TTN: variants seen among roughly 807,000 people sequenced by gnomAD.
The protein encoded by TTN is titin, also known as connectin.
Under a neutral mutation model 3,223.0 loss-of-function variants are expected in TTN, and 1,525 were observed. That is an observed-to-expected ratio of 0.47 (90% CI 0.45 to 0.49). The LOEUF is 0.49. TTN is among the 20% of genes least tolerant of loss of function. The probability of loss-of-function intolerance (pLI) is 0.00; values close to 1 mark genes in which losing one functional copy is unlikely to be tolerated. For missense variants in TTN, 40,786 were observed against 43,424.0 expected (o/e 0.94, Z 5.40); for synonymous variants, 14,094 against 15,161.0 (o/e 0.93, Z 5.17).
chr2:178,717,882 G>A lies in TTN; in HGVS notation c.25063+61C>T. On this transcript the variant is annotated intron_variant, in intron 86 of 362. Transcript: ENST00000589042. The stretch of plus-strand genomic sequence containing the variant: ...CCACAACATATTTCAATTCATAAAA[G>A]TTTTAACGTTTTTAAGAAAATGAAT... 3.2e-6 allele frequency: 5 copies of A among 1,572,916 alleles called. No homozygotes were observed. In the South Asian group the frequency reaches 6.0e-5, roughly 19 times the overall value.
chr2:178,685,367 T>C (rs1326652836), intron 128 of TTN, 37 bp from the exon 129 acceptor site: 2 of 1,518,388 alleles, frequency 1.3e-6, no homozygotes, highest in Admixed American at 2.1e-5. Flanking sequence ...TAGAAATGTC[T>C]AGATTTCTTT....
intron 336 of TTN, 74 bp from the exon 337 acceptor site, chr2:178,550,347 G>T: frequency 7.9e-7 from 1 of 1,270,524 alleles, no homozygotes; most frequent in Non-Finnish European, 1.1e-6. Context: ...TTTTTCAGTA[G>T]TGCCATATCA....
At chr2:178,665,859 C>T in intron 163 of TTN, 68 bp from the exon 164 acceptor site, 1 of 759,430 alleles carries the variant, frequency 1.3e-6, no homozygotes, top group Non-Finnish European at 1.8e-6. Context: ...ATCTTAACTG[C>T]ACATACAGAA....
chr2:178,694,514 G>T, intron 117 of TTN, 85 bp downstream of exon 117: 1 of 918,592 alleles, frequency 1.1e-6, no homozygotes, highest in Non-Finnish European at 1.6e-6. Context: ...TCAGATTTGT[G>T]AGTTACTTAG....
Position 178,602,403 on chromosome 2 carries a change from T to C in TTN, c.54999A>G (p.Glu18333=). ...GCTCTTTCAGATTAGGCACCACACA[T>C]TCACAGGTAGTTATAAGTTTGTCTG... ...NEPDKLITTC[E]CVVPNLKELR... The change falls in exon 283 of 363, where the codon GAA becomes GAG. Residue 18333 remains glutamate, a synonymous_variant. Transcript: ENST00000589042. The C allele has an allele frequency of 6.2e-7, 1 of 1,612,750 alleles. No homozygotes were observed. Among genetic ancestry groups the C allele is most frequent in the Non-Finnish European group, 8.5e-7 (1 of 1,179,222 alleles).
At chr2:178,646,326 A>C (rs2061996684) in intron 216 of TTN, among the ~76,000 whole-genome samples, 159 bp downstream of exon 216, 1 of 151,436 alleles carries the variant, frequency 6.6e-6, no homozygotes, top group African/African-American at 2.4e-5. Context: ...AAACAGTACA[A>C]GTTACATGGA....
intron 344 of TTN, 75 bp from the exon 345 acceptor site, chr2:178,544,581 A>G: frequency 7.7e-7 from 1 of 1,298,040 alleles, no homozygotes; most frequent in Non-Finnish European, 1.1e-6. Flanking sequence ...TTTGTTTTCA[A>G]GACTCACAAA....
At position 178,566,270 on chromosome 2, in the gene TTN, G is replaced by T. The variant is rs3731746; in HGVS notation, c.79862C>A (p.Thr26621Lys). 3.3e-5 allele frequency: 53 copies of T among 1,613,500 alleles called. No homozygotes were observed. The highest frequency in any genetic ancestry group is 1.0e-4 in the Admixed American group (6 of 59,978). Reference protein sequence around the residue: ...RIHIPFKGRPTPEITWSREEG... With the variant: ...RIHIPFKGRPKPEITWSREEG... ...CTCTCGAGACCAAGTGATCTCAGGCGTTGGACGACCTTTGAATGGAATGTG... is the reference window on the plus strand; with the variant it reads ...CTCTCGAGACCAAGTGATCTCAGGCTTTGGACGACCTTTGAATGGAATGTG... The change falls in exon 326 of 363, where the codon ACG (threonine) becomes AAG (lysine). Residue 26621 changes from threonine (T) to lysine (K), a missense_variant. By Grantham distance (78) the Thr-to-Lys change is moderately conservative. Coordinates refer to ENST00000589042, the MANE Select transcript of TTN (RefSeq NM_001267550.2).
At chr2:178,748,010 T>C (rs527748660) in intron 47 of TTN, 5 of 1,612,922 alleles carry the variant, frequency 3.1e-6, no homozygotes, top group African/African-American at 1.3e-5. Context: ...CCCACCATCC[T>C]GCTTTGGAAA....
intron 156 of TTN, among the ~76,000 whole-genome samples, chr2:178,670,641 ATTAT>A (rs957380506): frequency 1.3e-5 from 2 of 151,928 alleles, no homozygotes; most frequent in African/African-American, 4.8e-5. Flanking sequence ...ATAAGTTTAT[ATTAT>A]TTATTAGATA....
rs1181316587 is a variant in TTN at position 178,553,751 on chromosome 2, T to C, written c.89254A>G (p.Thr29752Ala). The C allele has an allele frequency of 6.2e-7, 1 of 1,610,460 alleles. No individual in the cohort carries two copies. Among genetic ancestry groups the C allele is most frequent in the South Asian group, 1.1e-5 (1 of 90,634 alleles). ...TAGACAGGCTTACTCCAGCCAAGGG[T>C]GATGGATGACTTGGTTGAATCTGCG... ...RIADSTKSSITLGWSKPVYDG... is the reference protein window; with the variant it reads ...RIADSTKSSIALGWSKPVYDG... The change falls in exon 334 of 363, where the codon ACC becomes GCC. Residue 29752 changes from threonine to alanine, a missense_variant. By Grantham distance (58) the Thr-to-Ala change is moderately conservative. Coordinates refer to ENST00000589042, the MANE Select transcript of TTN (RefSeq NM_001267550.2).
At position 178,676,279 on chromosome 2, in the gene TTN, C is replaced by T. The variant is rs1256066721; in HGVS notation, c.34379-284G>A. Among the ~76,000 whole-genome samples, 3 of 151,766 alleles carry T rather than the reference C, an allele frequency of 2.0e-5. No homozygotes were observed. In the East Asian group the frequency reaches 5.8e-4, roughly 29 times the overall value. ...AAACCGCAATTACTTTTGCACCAAC[C>T]TAATATCATTTCATACATTTAAATT... On this transcript the variant is annotated intron_variant, in intron 147 of 362. Coordinates refer to ENST00000589042, the MANE Select transcript of TTN (RefSeq NM_001267550.2).
chr2:178,781,858 T>G (rs1433750160), intron 20 of TTN, among the ~76,000 whole-genome samples: 1 of 152,074 alleles, frequency 6.6e-6, no homozygotes, highest in Non-Finnish European at 1.5e-5. Context: ...TTTAGTCACT[T>G]AGTTATTACA....
chr2:178,591,706 G>A lies in TTN; in HGVS notation c.60113C>T (p.Thr20038Ile). ...KTVTNLECVVTGLQQGKTYRF... is the reference protein window; with the variant it reads ...KTVTNLECVVIGLQQGKTYRF... ...ATAGGTCTTTCCTTGTTGTAGTCCA[G>A]TAACCACACACTCTAAGTTTGTCAC... The change falls in exon 303 of 363, where the codon ACT (threonine) becomes ATT (isoleucine). Residue 20038 changes from threonine (T) to isoleucine (I), a missense_variant. By Grantham distance (89) the Thr-to-Ile change is moderately conservative (BLOSUM62 -1). Coordinates refer to ENST00000589042, the MANE Select transcript of TTN (RefSeq NM_001267550.2). The A allele has an allele frequency of 6.2e-7, 1 of 1,613,384 alleles. No individual in the cohort carries two copies. Among genetic ancestry groups the A allele is most frequent in the Non-Finnish European group, 8.5e-7 (1 of 1,179,560 alleles).
At chr2:178,609,647 A>G (rs2055839841) in intron 272 of TTN, 37 bp downstream of exon 272, 2 of 1,551,736 alleles carry the variant, frequency 1.3e-6, no homozygotes, top group Admixed American at 4.0e-5. Context: ...ATTTATTTCA[A>G]AATGGGAAAG....
chr2:178,611,957 A>G lies in TTN; in HGVS notation c.50355-3T>C, dbSNP rs1172932037. On this transcript the variant is annotated splice_polypyrimidine_tract_variant and splice_region_variant and intron_variant, in intron 267 of 362. Coordinates refer to ENST00000589042, the MANE Select transcript of TTN (RefSeq NM_001267550.2). ...TTTCTTTCTTCTCAATGACATATCTATTGAAACAACAAAGCATTTCATTAG... is the reference window on the plus strand; with the variant it reads ...TTTCTTTCTTCTCAATGACATATCTGTTGAAACAACAAAGCATTTCATTAG... 1.9e-6 allele frequency: 3 copies of G among 1,609,906 alleles called. No individual in the cohort carries two copies. The highest frequency in any genetic ancestry group is 2.2e-5 in the East Asian group (1 of 44,524).
intron 48 of TTN, among the ~76,000 whole-genome samples, chr2:178,738,840 A>T (rs777647517): frequency 4.6e-5 from 7 of 152,182 alleles, no homozygotes; most frequent in Non-Finnish European, 8.8e-5. Context: ...TTTATTACAT[A>T]TTATGAAAGT....
Position 178,753,155 on chromosome 2 carries a change from C to T in TTN, c.11280G>A (p.Arg3760=), listed in dbSNP as rs1304982242. The change falls in exon 47 of 363, where the codon AGG becomes AGA. Residue 3760 remains arginine (R), a synonymous_variant. Coordinates refer to ENST00000589042, the MANE Select transcript of TTN (RefSeq NM_001267550.2). ...TTTCCATCTCAATCTCTTGTTCAAT[C>T]CTCTCATGCAAAATTGATTCAGGAG... ...EGAPESILHE[R]IEQEIEMEMK... The T allele has an allele frequency of 1.9e-6, 3 of 1,609,344 alleles. No homozygotes were observed. Among genetic ancestry groups the T allele is most frequent in the Admixed American group, 1.7e-5 (1 of 59,598 alleles).
chr2:178,788,358 G>A (rs898679667), intron 13 of TTN, among the ~76,000 whole-genome samples: 4 of 151,936 alleles, frequency 2.6e-5, no homozygotes, highest in African/African-American at 9.7e-5. Flanking sequence ...GTCAATTCAT[G>A]ACAAAATTTG....
Sources: gnomAD v4.1 joint callset for allele counts (sites outside exome capture counted in the v4.1 genomes callset) on GRCh38, gnomAD v4.1.1 for gene constraint, MANE v1.5 for transcripts, NCBI Gene and HGNC (gene_info 2026-07-23, HGNC 2026-07-21) for gene names.